Variants in RNF146 observed in about 807,000 individuals in gnomAD.
RNF146 encodes the protein ring finger protein 146, also known as E3 ubiquitin-protein ligase RNF146.
In RNF146, 11 loss-of-function variants were observed where a neutral mutation model predicts 29.7. That is an observed-to-expected ratio of 0.37 (90% confidence interval 0.23 to 0.61). The LOEUF (loss-of-function observed/expected upper bound fraction) is 0.61, where lower values mean the gene tolerates loss of function less well. Ranked by LOEUF, RNF146 falls within the 20% of genes least tolerant of loss-of-function variation. The pLI is 0.66. For synonymous variants in RNF146, 150 were observed against 159.7 expected (o/e 0.94, Z 0.46); for missense variants, 342 against 438.9 (o/e 0.78, Z 1.97).
At chr6:127,270,172 T>C (rs1459654061) in intron 1 of RNF146, among the ~76,000 whole-genome samples, 2 of 152,182 alleles carry the variant, frequency 1.3e-5, no homozygotes, top group African/African-American at 4.8e-5. Flanking sequence ...TATTACTTCA[T>C]TTTTAGTTGT....
chr6:127,278,200 G>T (rs1261388400), intron 1 of RNF146, among the ~76,000 whole-genome samples: 1 of 152,060 alleles, frequency 6.6e-6, no homozygotes, highest in Non-Finnish European at 1.5e-5. Flanking sequence ...AATACTAAAT[G>T]AGAAGAAAGA....
chr6:127,285,194 G>GCTTC, intron 2 of RNF146: 1 of 984,892 alleles, frequency 1.0e-6, no homozygotes, highest in Non-Finnish European at 1.2e-6. Context: ...TTACTGTGTT[G>GCTTC]CTTCCTTTAC....
At chr6:127,277,879 T>A (rs1375043571) in intron 1 of RNF146, among the ~76,000 whole-genome samples, 1 of 152,144 alleles carries the variant, frequency 6.6e-6, no homozygotes, top group African/African-American at 2.4e-5. Context: ...CACAGTCAGT[T>A]ACTTTTGAAA....
At chr6:127,274,255 T>C (rs896947820) in intron 1 of RNF146, among the ~76,000 whole-genome samples, 4 of 152,188 alleles carry the variant, frequency 2.6e-5, no homozygotes, top group Non-Finnish European at 4.4e-5. Context: ...ATTTCAGCTA[T>C]GTGAAATAGT....
intron 2 of RNF146, chr6:127,285,181 AACTT>A (rs1779355190): frequency 1.0e-6 from 1 of 984,764 alleles, no homozygotes; most frequent in East Asian, 1.1e-4. Flanking sequence ...TCTTTTTAAA[AACTT>A]ACTGTGTTGC....
rs1562295214 is a variant in RNF146 at position 127,287,730 on chromosome 6, G to C, written c.*37G>C. 7.6e-7 allele frequency: 1 copy of C among 1,312,262 alleles called. No homozygotes were observed. The allele number at this position is 1,312,262 out of a possible 1,614,324, so 81.3% of individuals were successfully genotyped here. A position where few individuals can be genotyped will look rare whatever the true frequency, so the allele number is the denominator to read the frequency against. On this transcript the variant is annotated 3_prime_UTR_variant, in exon 3 of 3. Coordinates refer to ENST00000368314, the MANE Select transcript of RNF146 (RefSeq NM_001242850.2). Reference sequence around the variant, plus strand: ...TTCAGCTCCATGCTCAAGGTTGAAAGGGTTACCTGTAAATTTCTGCCCACA... The same window carrying C: ...TTCAGCTCCATGCTCAAGGTTGAAACGGTTACCTGTAAATTTCTGCCCACA...
At chr6:127,285,268 A>C in intron 2 of RNF146, 2 of 985,074 alleles carry the variant, frequency 2.0e-6, no homozygotes, top group Non-Finnish European at 2.4e-6. Context: ...AAAGGCAGTA[A>C]AAAGAAAAAA....
In RNF146 at chr6:127,268,104, A is replaced by T. The variant is rs957454946; in HGVS notation, c.-109+1179A>T. On this transcript the variant is annotated intron_variant, in intron 1 of 2. Coordinates refer to ENST00000368314, the MANE Select transcript of RNF146 (RefSeq NM_001242850.2). ...TGAACATTTTGTTTAATATTTTTGT[A>T]ATATCGAAACAGTGTAGAACTGAGG... Among the ~76,000 whole-genome samples the T allele has an allele frequency of 1.1e-4, 16 of 152,202 alleles. 1 individual carries two copies. The highest frequency in any genetic ancestry group is 3.9e-4 in the African/African-American group (16 of 41,450).
At chr6:127,272,984 GTGTC>G (rs1203909844) in intron 1 of RNF146, among the ~76,000 whole-genome samples, 2 of 152,156 alleles carry the variant, frequency 1.3e-5, no homozygotes, top group African/African-American at 2.4e-5. Flanking sequence ...TGTTTATAAG[GTGTC>G]TGTCTGAAAT....
intron 1 of RNF146, among the ~76,000 whole-genome samples, chr6:127,277,989 C>CT (rs1294971802): frequency 8.6e-5 from 13 of 152,030 alleles, no homozygotes; most frequent in Non-Finnish European, 1.9e-4. Context: ...GAATATGTTT[C>CT]TTTAAACACT....
chr6:127,272,654 C>T (rs926329030), intron 1 of RNF146, among the ~76,000 whole-genome samples: 9 of 152,006 alleles, frequency 5.9e-5, no homozygotes, highest in Admixed American at 3.3e-4. Flanking sequence ...TGTTGTTCTA[C>T]GCAAATGTAT....
At chr6:127,276,835 G>C (rs904279291) in intron 1 of RNF146, among the ~76,000 whole-genome samples, 1 of 152,084 alleles carries the variant, frequency 6.6e-6, no homozygotes, top group Non-Finnish European at 1.5e-5. Flanking sequence ...TGAAAATTGA[G>C]GATGGTGTTT....
intron 2 of RNF146, among the ~76,000 whole-genome samples, chr6:127,284,453 GT>G: frequency 6.6e-6 from 1 of 151,764 alleles, no homozygotes; most frequent in South Asian, 2.1e-4. Context: ...TCACTTTCTT[GT>G]TTTCTTTTTC....
At chr6:127,274,026 T>G (rs950706720) in intron 1 of RNF146, among the ~76,000 whole-genome samples, 3 of 152,154 alleles carry the variant, frequency 2.0e-5, no homozygotes, top group African/African-American at 7.2e-5. Context: ...TAAATAGTTC[T>G]CTGCTCCTGG....
At chr6:127,280,367 A>G in intron 2 of RNF146, 27 bp downstream of exon 2, 1 of 1,545,850 alleles carries the variant, frequency 6.5e-7, no homozygotes, top group Non-Finnish European at 8.7e-7. Context: ...GGTTTTTTTC[A>G]GTGCTGCAGT....
In RNF146 at chr6:127,286,997, T is replaced by C. The variant is rs1467072295; in HGVS notation, c.384T>C (p.Ala128=). 1 of 1,613,336 alleles carries C rather than the reference T, an allele frequency of 6.2e-7. No homozygotes were observed. Among genetic ancestry groups the C allele is most frequent in the South Asian group, 1.1e-5 (1 of 91,066 alleles). Reference sequence around the variant, plus strand: ...GCACTAGTAGAGAGCTGGAAGATGCTTTTTCCAAAGGTAAAAAGAACACTG... The same window carrying C: ...GCACTAGTAGAGAGCTGGAAGATGCCTTTTCCAAAGGTAAAAAGAACACTG... ...DERTSRELED[A]FSKGKKNTEM... The change falls in exon 3 of 3, where the codon GCT becomes GCC. Residue 128 remains alanine, a synonymous_variant. Coordinates refer to ENST00000368314, the MANE Select transcript of RNF146 (RefSeq NM_001242850.2). This position sits in a 1 kb window ranked among gnomAD's most constrained non-coding sequence, Gnocchi z 4.6.
rs139093084 is a variant in RNF146, at chr6:127,280,266, T to C, written c.-73T>C. Reference sequence around the variant, plus strand: ...GAACCAGCAGTGGAAGAGAAAATACTGTAAGCTGGCTGACTGCTGGTGAAG... The same window carrying C: ...GAACCAGCAGTGGAAGAGAAAATACCGTAAGCTGGCTGACTGCTGGTGAAG... On this transcript the variant is annotated 5_prime_UTR_variant, in exon 2 of 3. Coordinates refer to ENST00000368314, the MANE Select transcript of RNF146 (RefSeq NM_001242850.2). The C allele has an allele frequency of 7.5e-4, 1,105 of 1,483,020 alleles. 10 individuals are homozygous for C. In the African/African-American group the frequency reaches 0.013, roughly 17 times the overall value. 91.9% of individuals were successfully genotyped at this position (1,483,020 alleles called of 1,614,324 possible).
Position 127,286,147 on chromosome 6 carries a change from T to TTA in RNF146, c.3-468_3-467dup. ...TACAAAGCACTTTTTTTGTCCATTTTTACCTGAGCTTTGTAAACTCTGATT... is the reference window on the plus strand; with the variant it reads ...TACAAAGCACTTTTTTTGTCCATTTTTATACCTGAGCTTTGTAAACTCTGATT... On this transcript the variant is annotated intron_variant, in intron 2 of 2. Coordinates refer to ENST00000368314, the MANE Select transcript of RNF146 (RefSeq NM_001242850.2). The surrounding 1 kb of genome is among the most constrained non-coding windows in gnomAD (Gnocchi z 4.6). 8.1e-7 allele frequency: 1 copy of TTA among 1,230,942 alleles called. No homozygotes were observed. The highest frequency in any genetic ancestry group is 1.0e-6 in the Non-Finnish European group (1 of 987,520). 76.3% of individuals were successfully genotyped at this position (1,230,942 alleles called of 1,614,324 possible).
At chr6:127,273,317 T>C (rs1462896744) in intron 1 of RNF146, among the ~76,000 whole-genome samples, 1 of 152,232 alleles carries the variant, frequency 6.6e-6, no homozygotes, top group Non-Finnish European at 1.5e-5. Flanking sequence ...TGATTCATAC[T>C]GCATCTTTAC....
Sources: allele counts gnomAD v4.1 joint callset (sites outside exome capture counted in the v4.1 genomes callset), GRCh38; gene constraint gnomAD v4.1.1; non-coding constraint Gnocchi (gnomAD v3.1); transcripts MANE v1.5; gene names NCBI Gene and HGNC (gene_info 2026-07-23, HGNC 2026-07-21).